The following CNTNAP2 variants were observed in gnomAD, a reference collection of about 807,000 sequenced individuals.
The protein encoded by CNTNAP2 is contactin associated protein 2, also known as contactin-associated protein-like 2.
CNTNAP2 carries 98 observed loss-of-function variants against 155.2 expected under a neutral mutation model. The ratio of observed to expected loss-of-function variants is 0.63; its 90% CI spans 0.54 to 0.75. The LOEUF (loss-of-function observed/expected upper bound fraction) is 0.75. Ranked by LOEUF, CNTNAP2 falls within the 30% of genes least tolerant of loss-of-function variation. The pLI is 0.00. For missense variants in CNTNAP2, 1,727 were observed against 1,688.1 expected (o/e 1.02, Z -0.40); for synonymous variants, 651 against 631.2 (o/e 1.03, Z -0.47).
chr7:147,460,600 A>G (rs1201001858), intron 10 of CNTNAP2, among the ~76,000 whole-genome samples: 1 of 152,024 alleles, frequency 6.6e-6, no homozygotes, highest in African/African-American at 2.4e-5. Flanking sequence ...TTGGGCTTTG[A>G]ATGCACCTAG....
chr7:147,087,042 G>T (rs943160394), intron 4 of CNTNAP2, among the ~76,000 whole-genome samples: 6 of 152,132 alleles, frequency 3.9e-5, no homozygotes, highest in African/African-American at 1.4e-4. Context: ...TCTGAAATTT[G>T]CACACTTCAC....
intron 14 of CNTNAP2, among the ~76,000 whole-genome samples, chr7:147,925,683 G>A (rs374998994): frequency 2.6e-5 from 4 of 152,036 alleles, no homozygotes; most frequent in South Asian, 2.1e-4. Flanking sequence ...GGATAGTCTC[G>A]ATCTCCTGAC....
intron 3 of CNTNAP2, among the ~76,000 whole-genome samples, chr7:147,038,037 C>A (rs1379732845): frequency 3.3e-5 from 5 of 152,120 alleles, no homozygotes; most frequent in Admixed American, 3.3e-4. Flanking sequence ...CACCTATAGT[C>A]CTAGCTACTC....
At chr7:147,919,264 A>G (rs1800215378) in intron 14 of CNTNAP2, among the ~76,000 whole-genome samples, 1 of 151,700 alleles carries the variant, frequency 6.6e-6, no homozygotes, top group Non-Finnish European at 1.5e-5. Context: ...CTACAGAACC[A>G]TAAGATAATA....
At chr7:148,272,366 G>C (rs1796797208) in intron 21 of CNTNAP2, among the ~76,000 whole-genome samples, 1 of 152,090 alleles carries the variant, frequency 6.6e-6, no homozygotes, top group Admixed American at 6.6e-5. Flanking sequence ...CAAATTTAAT[G>C]GTCTCTCAAG....
intron 13 of CNTNAP2, among the ~76,000 whole-genome samples, chr7:147,815,224 T>C (rs1182251373): frequency 6.6e-6 from 1 of 152,200 alleles, no homozygotes; most frequent in Non-Finnish European, 1.5e-5. Context: ...CCCAAACTTA[T>C]TATCTCACAC....
At chr7:146,642,367 T>A (rs1424280302) in intron 1 of CNTNAP2, among the ~76,000 whole-genome samples, 3 of 142,364 alleles carry the variant, frequency 2.1e-5, no homozygotes, top group South Asian at 2.3e-4. Context: ...GTCCATGTGT[T>A]CTCATTCTTC....
At chr7:146,721,356 C>CTA (rs1801304613) in intron 1 of CNTNAP2, among the ~76,000 whole-genome samples, 4 of 128,548 alleles carry the variant, frequency 3.1e-5, no homozygotes, top group Non-Finnish European at 4.7e-5. Context: ...TATATACATT[C>CTA]TATATACATT....
At chr7:147,259,681 T>A (rs1804413012) in intron 8 of CNTNAP2, among the ~76,000 whole-genome samples, 2 of 152,146 alleles carry the variant, frequency 1.3e-5, no homozygotes. Context: ...AAGGTTTCAG[T>A]GAAAGACAAG....
intron 12 of CNTNAP2, among the ~76,000 whole-genome samples, chr7:147,622,019 A>C (rs1460380181): frequency 1.3e-5 from 2 of 152,034 alleles, no homozygotes; most frequent in Non-Finnish European, 2.9e-5. Flanking sequence ...TTCATGACAA[A>C]AACTATAATA....
At chr7:148,106,540 A>G (rs1015308904) in intron 15 of CNTNAP2, among the ~76,000 whole-genome samples, 8 of 146,452 alleles carry the variant, frequency 5.5e-5, no homozygotes, top group Non-Finnish European at 1.0e-4. Context: ...TTTTCCTAAT[A>G]AATAGAGACG....
intron 1 of CNTNAP2, among the ~76,000 whole-genome samples, chr7:146,733,231 T>C (rs1261505266): frequency 1.3e-5 from 2 of 152,090 alleles, no homozygotes; most frequent in African/African-American, 4.8e-5. Context: ...ATCCAGACCC[T>C]TAGTAATTTG....
intron 8 of CNTNAP2, among the ~76,000 whole-genome samples, chr7:147,237,835 A>AT (rs1279759847): frequency 6.6e-6 from 1 of 152,240 alleles, no homozygotes; most frequent in Non-Finnish European, 1.5e-5. Context: ...GGTTATGATT[A>AT]TCCCTGTTCA....
At position 146,341,531 on chromosome 7, in the gene CNTNAP2, G is replaced by A. The variant is rs530364399; in HGVS notation, c.97+224558G>A. The stretch of plus-strand genomic sequence containing the variant: ...AGAAAAACAGTTGCGACAATTTTGT[G>A]CAGTAGTACTATCGTGCTGCTATAC... On this transcript the variant is annotated intron_variant, in intron 1 of 23. Coordinates refer to ENST00000361727, the MANE Select transcript of CNTNAP2 (RefSeq NM_014141.6). Among the ~76,000 whole-genome samples the A allele has an allele frequency of 3.1e-3, 475 of 152,222 alleles. 4 individuals carry two copies. The highest frequency in any genetic ancestry group is 0.011 in the African/African-American group (457 of 41,550).
chr7:146,484,884 A>G (rs1355826878), intron 1 of CNTNAP2, among the ~76,000 whole-genome samples: 1 of 152,164 alleles, frequency 6.6e-6, no homozygotes, highest in African/African-American at 2.4e-5. Context: ...AGTTTTTAAA[A>G]TATAGTTATT....
rs201672338 is a variant in CNTNAP2, at chr7:146,437,880, CG to C, written c.97+320908del. On this transcript the variant is annotated intron_variant, in intron 1 of 23. Transcript: ENST00000361727. ...AAACTCATGTGCAATTCCCCAATCT[CG>C]TTTTTTTTTTTGTTTGTTTTTGTCC... Among the ~76,000 whole-genome samples the C allele has an allele frequency of 2.8e-3, 279 of 101,430 alleles. 12 individuals are homozygous for C. Among genetic ancestry groups the C allele is most frequent in the African/African-American group, 0.023 (264 of 11,356 alleles). The allele number at this position is 101,430 out of a possible 152,430, so 66.5% of individuals were successfully genotyped here. A position where few individuals can be genotyped will look rare whatever the true frequency, so the allele number is the denominator to read the frequency against.
intron 3 of CNTNAP2, among the ~76,000 whole-genome samples, chr7:146,900,326 C>G (rs532815692): frequency 6.6e-6 from 1 of 152,124 alleles, no homozygotes; most frequent in African/African-American, 2.4e-5. Context: ...AGCCTTATTA[C>G]GATCCAACTC....
intron 3 of CNTNAP2, among the ~76,000 whole-genome samples, chr7:146,976,848 C>T (rs756433707): frequency 3.3e-5 from 5 of 152,158 alleles, no homozygotes; most frequent in African/African-American, 1.2e-4. Flanking sequence ...TTCTTGGCCT[C>T]GCTGTGCAGT....
At position 148,135,688 on chromosome 7, in the gene CNTNAP2, A is replaced by C. The variant is rs887539676; in HGVS notation, c.2555-11803A>C. ...ACATGGCAAAACCCTGTCTCCACTA[A>C]AAATTGAAAAAATAGCTGGGTGTGG... On this transcript the variant is annotated intron_variant, in intron 16 of 23. Coordinates refer to ENST00000361727, the MANE Select transcript of CNTNAP2 (RefSeq NM_014141.6). 3.3e-5 allele frequency among the ~76,000 whole-genome samples: 5 copies of C among 151,360 alleles called. No homozygotes were observed. In the East Asian group the frequency reaches 7.9e-4, roughly 24 times the overall value.
Sources: gnomAD v4.1 joint callset for allele counts (sites outside exome capture counted in the v4.1 genomes callset) on GRCh38, gnomAD v4.1.1 for gene constraint, MANE v1.5 for transcripts, NCBI Gene and HGNC (gene_info 2026-07-23, HGNC 2026-07-21) for gene names.